Variants in ADAMTS2 observed in about 807,000 individuals in gnomAD.
ADAMTS2 encodes A disintegrin and metalloproteinase with thrombospondin motifs 2.
In ADAMTS2, 50 loss-of-function variants were observed where a neutral mutation model predicts 123.0. The observed-to-expected ratio is 0.41, with a 90% CI of 0.32 to 0.51. The LOEUF (loss-of-function observed/expected upper bound fraction) is 0.51. ADAMTS2 is among the 20% of genes least tolerant of loss of function. The pLI is 0.35. For missense variants in ADAMTS2, 1,494 were observed against 1,705.2 expected (o/e 0.88, Z 2.18); for synonymous variants, 678 against 695.4 (o/e 0.98, Z 0.39).
chr5:179,171,341 G>T (rs1273009468), intron 5 of ADAMTS2, among the ~76,000 whole-genome samples: 3 of 152,190 alleles, frequency 2.0e-5, no homozygotes, highest in African/African-American at 7.2e-5. Flanking sequence ...CGCTAAGTCA[G>T]CCAGGGCCCA....
At chr5:179,186,999 T>C (rs1470580789) in intron 4 of ADAMTS2, among the ~76,000 whole-genome samples, 1 of 152,078 alleles carries the variant, frequency 6.6e-6, no homozygotes, top group East Asian at 1.9e-4. Flanking sequence ...ACGCTGGCCC[T>C]GGCTGGCTTC....
At position 179,344,132 on chromosome 5, in the gene ADAMTS2, T is replaced by A; in HGVS notation, c.169A>T (p.Ile57Phe). Residue 57 changes from isoleucine to phenylalanine, a missense_variant, in exon 2 of 22, where the codon ATC (isoleucine) becomes TTC (phenylalanine). Transcript: ENST00000251582. ...GGPLGHGAER[I>F]LAVPVRTDAQ... Reference sequence around the variant, plus strand: ...TCAGTGCGCACGGGCACCGCCAGGATGCGCTCCGCTCCGTGCCCCAGGGGC... The same window carrying A: ...TCAGTGCGCACGGGCACCGCCAGGAAGCGCTCCGCTCCGTGCCCCAGGGGC... 6.2e-7 allele frequency: 1 copy of A among 1,604,960 alleles called. No individual in the cohort carries two copies. The highest frequency in any genetic ancestry group is 1.3e-5 in the African/African-American group (1 of 74,920).
At chr5:179,245,722 C>T (rs1244081728) in intron 3 of ADAMTS2, among the ~76,000 whole-genome samples, 2 of 117,614 alleles carry the variant, frequency 1.7e-5, no homozygotes, top group African/African-American at 3.3e-5. Flanking sequence ...GCCGAGATCG[C>T]GCCACTGCAC....
chr5:179,300,602 A>AC (rs1756488753), intron 2 of ADAMTS2, among the ~76,000 whole-genome samples: 1 of 151,882 alleles, frequency 6.6e-6, no homozygotes, highest in South Asian at 2.1e-4. Flanking sequence ...GACAAGCCAG[A>AC]CCCCCCTTCA....
rs1160171306 is a variant in ADAMTS2 at position 179,185,217 on chromosome 5, G to C, written c.892-4062C>G. Among the ~76,000 whole-genome samples, 1 of 152,174 alleles carries C rather than the reference G, an allele frequency of 6.6e-6. No homozygotes were observed. Among genetic ancestry groups the C allele is most frequent in the Non-Finnish European group, 1.5e-5 (1 of 68,034 alleles). On this transcript the variant is annotated intron_variant, in intron 4 of 21. Coordinates refer to ENST00000251582, the MANE Select transcript of ADAMTS2 (RefSeq NM_014244.5). This position sits in a 1 kb window ranked among gnomAD's most constrained non-coding sequence, Gnocchi z 5.9. ...GGACATGGAGGAAGGATGATGGCGG[G>C]GCATTTAAGAAGCTTACTCCAGGTG... is the stretch of plus-strand genomic sequence containing the variant.
intron 4 of ADAMTS2, among the ~76,000 whole-genome samples, chr5:179,196,595 T>C (rs1271722219): frequency 6.6e-6 from 1 of 151,726 alleles, no homozygotes; most frequent in African/African-American, 2.4e-5. Context: ...AGTGTGGGGG[T>C]GGGCTGGGGT....
At chr5:179,223,662 ACACT>A (rs1561814461) in intron 3 of ADAMTS2, among the ~76,000 whole-genome samples, 2 of 145,354 alleles carry the variant, frequency 1.4e-5, no homozygotes, top group African/African-American at 5.0e-5. Context: ...TCACAGACGC[ACACT>A]CACACATGAA....
Position 179,302,804 on chromosome 5 carries a change from T to A in ADAMTS2, c.535-29740A>T, listed in dbSNP as rs529871911. Among the ~76,000 whole-genome samples the A allele has an allele frequency of 1.4e-4, 21 of 150,842 alleles. 1 individual carries two copies. In the South Asian group the frequency reaches 3.0e-3, roughly 21 times the overall value. On this transcript the variant is annotated intron_variant, in intron 2 of 21. Coordinates refer to ENST00000251582, the MANE Select transcript of ADAMTS2 (RefSeq NM_014244.5). The stretch of plus-strand genomic sequence containing the variant: ...TTGGAAAGAGGCAGCGATGGAGAGA[T>A]CTGGGGAAGTGGGCTCCAGCACAGA...
At chr5:179,220,559 C>G (rs983158768) in intron 3 of ADAMTS2, among the ~76,000 whole-genome samples, 108 of 152,242 alleles carry the variant, frequency 7.1e-4, no homozygotes, top group African/African-American at 2.5e-3. Context: ...GAGTGGGGCC[C>G]GCATGCAGCC....
intron 3 of ADAMTS2, among the ~76,000 whole-genome samples, chr5:179,215,413 A>C (rs1764959651): frequency 6.6e-6 from 1 of 152,188 alleles, no homozygotes. Flanking sequence ...ACGCCATTGC[A>C]CTCCAGCCTG....
chr5:179,330,409 A>T (rs1276543594), intron 2 of ADAMTS2, among the ~76,000 whole-genome samples: 1 of 152,190 alleles, frequency 6.6e-6, no homozygotes, highest in Non-Finnish European at 1.5e-5. Flanking sequence ...GCCACAGCGT[A>T]GTCACCACAG....
chr5:179,122,597 G>C (rs1372263450), intron 20 of ADAMTS2, 47 bp downstream of exon 20: 2 of 1,545,126 alleles, frequency 1.3e-6, no homozygotes, highest in Admixed American at 3.9e-5. Flanking sequence ...CCCCCGCCCT[G>C]GGCTGCTGCA....
intron 15 of ADAMTS2, among the ~76,000 whole-genome samples, chr5:179,131,962 T>C (rs778026891): frequency 1.5e-4 from 23 of 152,210 alleles, no homozygotes; most frequent in Admixed American, 4.6e-4. Flanking sequence ...TCCTGTAGAC[T>C]GAGGGACACA....
At chr5:179,123,680 G>T (rs2113184135) in intron 19 of ADAMTS2, among the ~76,000 whole-genome samples, 1 of 152,320 alleles carries the variant, frequency 6.6e-6, no homozygotes. Context: ...CCACCCGCCT[G>T]GGCCTCCCAA....
intron 2 of ADAMTS2, among the ~76,000 whole-genome samples, chr5:179,328,322 G>T (rs995966804): frequency 9.2e-5 from 14 of 152,226 alleles, no homozygotes; most frequent in African/African-American, 3.4e-4. Flanking sequence ...GTGAGCCACC[G>T]CACCCGGCAA....
chr5:179,161,727 C>G (rs1325815985), intron 5 of ADAMTS2, among the ~76,000 whole-genome samples: 1 of 152,142 alleles, frequency 6.6e-6, no homozygotes, highest in Non-Finnish European at 1.5e-5. Flanking sequence ...TTTGAGGTGA[C>G]AGATATGCTA....
At position 179,291,819 on chromosome 5, in the gene ADAMTS2, C is replaced by T. The variant is rs563881834; in HGVS notation, c.535-18755G>A. Among the ~76,000 whole-genome samples the T allele has an allele frequency of 2.6e-4, 40 of 152,038 alleles. No individual in the cohort carries two copies. The South Asian group carries it at 3.5e-3, about 13-fold the overall frequency. On this transcript the variant is annotated intron_variant, in intron 2 of 21. Coordinates refer to ENST00000251582, the MANE Select transcript of ADAMTS2 (RefSeq NM_014244.5). ...TGGCTCAAACACAGCTCACTGCAGC[C>T]TGGACCCCCTGGGCTCAAGTGATCC...
chr5:179,150,844 G>A (rs974673096), intron 10 of ADAMTS2: 2 of 154,330 alleles, frequency 1.3e-5, no homozygotes, highest in Admixed American at 1.3e-4. Context: ...GGGTAGTGGC[G>A]ATGGTTGCCC....
intron 3 of ADAMTS2, among the ~76,000 whole-genome samples, chr5:179,215,680 G>T (rs1442854397): frequency 6.6e-6 from 1 of 152,166 alleles, no homozygotes; most frequent in Non-Finnish European, 1.5e-5. Flanking sequence ...GAAACAGATG[G>T]GCAAGTGGTA....
Sources: allele counts gnomAD v4.1 joint callset (sites outside exome capture counted in the v4.1 genomes callset), GRCh38; gene constraint gnomAD v4.1.1; non-coding constraint Gnocchi (gnomAD v3.1); transcripts MANE v1.5; gene names NCBI Gene and HGNC (gene_info 2026-07-23, HGNC 2026-07-21).